Variants in PHF5A observed in about 807,000 individuals in gnomAD.
The protein encoded by PHF5A is PHD finger-like domain-containing protein 5A.
For missense variants in PHF5A, 24 were observed against 140.6 expected, an observed-to-expected ratio of 0.17 and a Z score of 4.19; for synonymous variants, 52 against 46.0, an observed-to-expected ratio of 1.13 and a Z score of -0.52.
chr22:41,460,669 G>A (rs2037820258), intron 3 of PHF5A, among the ~76,000 whole-genome samples, 182 bp from the exon 4 acceptor site: 2 of 150,382 alleles, frequency 1.3e-5, no homozygotes, highest in South Asian at 2.1e-4. Flanking sequence ...TGATGCCTGT[G>A]AATAGCCAGC....
chr22:41,461,811 C>T (rs2037829808), intron 3 of PHF5A, among the ~76,000 whole-genome samples: 2 of 151,982 alleles, frequency 1.3e-5, no homozygotes, highest in South Asian at 2.1e-4. Flanking sequence ...TACATGCACC[C>T]GCGACCATGC....
At chr22:41,461,232 T>G (rs1398777199) in intron 3 of PHF5A, among the ~76,000 whole-genome samples, 2 of 152,134 alleles carry the variant, frequency 1.3e-5, no homozygotes, top group South Asian at 2.1e-4. Flanking sequence ...CCATTTATCT[T>G]ACCAATTATC....
chr22:41,462,568 C>T (rs2037834658), intron 3 of PHF5A, among the ~76,000 whole-genome samples: 1 of 152,158 alleles, frequency 6.6e-6, no homozygotes, highest in South Asian at 2.1e-4. Flanking sequence ...AAAAATGAGG[C>T]ACTAGCTGCC....
intron 3 of PHF5A, among the ~76,000 whole-genome samples, chr22:41,461,033 C>T (rs1322788564): frequency 3.3e-5 from 5 of 151,810 alleles, no homozygotes; most frequent in Non-Finnish European, 7.4e-5. Context: ...ATTAGCCAGA[C>T]GTGGTGGTGC....
At chr22:41,460,878 A>T (rs2146058761) in intron 3 of PHF5A, among the ~76,000 whole-genome samples, 1 of 152,178 alleles carries the variant, frequency 6.6e-6, no homozygotes, top group African/African-American at 2.4e-5. Context: ...GCACTTATGA[A>T]AGATCATTTA....
chr22:41,459,757 CAGAA>C lies in PHF5A; in HGVS notation c.*637_*640del, dbSNP rs1383727017. On this transcript the variant is annotated 3_prime_UTR_variant, in exon 4 of 4. Coordinates refer to ENST00000216252, the MANE Select transcript of PHF5A (RefSeq NM_032758.4). ...ACCAACTTTATTAATATAATAGCAACAGAAAGAGTTTCCAATTTCTCAAAAGGAA... is the reference window on the plus strand; with the variant it reads ...ACCAACTTTATTAATATAATAGCAACAGAGTTTCCAATTTCTCAAAAGGAA... The C allele has an allele frequency of 2.6e-5, 4 of 152,026 alleles. No individual in the cohort carries two copies. The highest frequency in any genetic ancestry group is 3.9e-4 in the East Asian group (2 of 5,148). 9.4% of individuals were successfully genotyped at this position (152,026 alleles called of 1,614,324 possible).
chr22:41,467,675 A>T, intron 2 of PHF5A, 61 bp from the exon 3 acceptor site: 1 of 1,549,938 alleles, frequency 6.5e-7, no homozygotes, highest in South Asian at 1.1e-5. Flanking sequence ...ATCTCCTGCC[A>T]TGGGGAAATA....
rs1432884514 is a variant in PHF5A, at chr22:41,460,212, G to T, written c.*186C>A. 9.5e-6 allele frequency: 5 copies of T among 528,880 alleles called. No homozygotes were observed. In the Admixed American group the frequency reaches 1.5e-4, roughly 16 times the overall value. The allele number at this position is 528,880 out of a possible 1,614,324, so 32.8% of individuals were successfully genotyped here. On this transcript the variant is annotated 3_prime_UTR_variant, in exon 4 of 4. Transcript: ENST00000216252. ...ATGGTGTGCCAGAGTGCTCTGTGAA[G>T]AATCCTTTTCCATCCCTACCACGTG...
intron 3 of PHF5A, among the ~76,000 whole-genome samples, chr22:41,462,668 A>G (rs1305232266): frequency 2.6e-5 from 4 of 152,182 alleles, no homozygotes; most frequent in Admixed American, 2.6e-4. Context: ...ATGATAGCTT[A>G]AACTGTGCCT....
chr22:41,461,719 G>A (rs1175271093), intron 3 of PHF5A, among the ~76,000 whole-genome samples: 1 of 152,058 alleles, frequency 6.6e-6, no homozygotes, highest in Non-Finnish European at 1.5e-5. Flanking sequence ...CTGGAGAGCA[G>A]TGACATGATC....
intron 3 of PHF5A, 38 bp downstream of exon 3, chr22:41,467,409 CA>C (rs2037876147): frequency 6.2e-6 from 10 of 1,602,572 alleles, no homozygotes; most frequent in Non-Finnish European, 8.5e-6. Flanking sequence ...TGTTACTAAA[CA>C]AAAGGAGGAA....
chr22:41,467,473 T>C lies in PHF5A; in HGVS notation c.218A>G (p.Lys73Arg). 6.2e-7 allele frequency: 1 copy of C among 1,614,128 alleles called. No individual in the cohort carries two copies. Among genetic ancestry groups the C allele is most frequent in the African/African-American group, 1.3e-5 (1 of 75,028 alleles). Residue 73 changes from lysine to arginine, a missense_variant, in exon 3 of 4, where the codon AAG (lysine) becomes AGG (arginine). Coordinates refer to ENST00000216252, the MANE Select transcript of PHF5A (RefSeq NM_032758.4). ...GPGVSDAYYC[K>R]ECTIQEKDRD... Reference sequence around the variant, plus strand: ...GTCCTTCTCCTGGATGGTGCACTCCTTACAATAATAGGCATCAGAGACCCC... The same window carrying C: ...GTCCTTCTCCTGGATGGTGCACTCCCTACAATAATAGGCATCAGAGACCCC...
intron 3 of PHF5A, among the ~76,000 whole-genome samples, chr22:41,464,528 A>G (rs2037851223): frequency 6.6e-6 from 1 of 152,212 alleles, no homozygotes; most frequent in Non-Finnish European, 1.5e-5. Flanking sequence ...ATTCGTGTAT[A>G]ATGTGAAGTA....
At chr22:41,468,272 C>T in intron 1 of PHF5A, 125 bp from the exon 2 acceptor site, 2 of 844,044 alleles carry the variant, frequency 2.4e-6, no homozygotes, top group South Asian at 1.6e-5. Flanking sequence ...CTGCGGATAG[C>T]CATTTTATCA....
intron 3 of PHF5A, among the ~76,000 whole-genome samples, chr22:41,462,442 G>A (rs1049739602): frequency 7.2e-5 from 11 of 152,194 alleles, no homozygotes; most frequent in African/African-American, 2.4e-4. Context: ...AAGAAGTATC[G>A]AGTCATTACA....
At chr22:41,468,496 C>T (rs2037894044) in intron 1 of PHF5A, 106 bp downstream of exon 1, 9 of 1,290,518 alleles carry the variant, frequency 7.0e-6, no homozygotes, top group Non-Finnish European at 8.8e-6. Flanking sequence ...AGGCGGGAAA[C>T]GTGGCGCCTG....
intron 1 of PHF5A, 91 bp from the exon 2 acceptor site, chr22:41,468,238 A>G: frequency 7.7e-7 from 1 of 1,293,310 alleles, no homozygotes; most frequent in Non-Finnish European, 1.1e-6. Context: ...TAGGGACATG[A>G]GTAAGGACTG....
chr22:41,461,893 C>T (rs755910529), intron 3 of PHF5A, among the ~76,000 whole-genome samples: 28 of 152,220 alleles, frequency 1.8e-4, no homozygotes, highest in South Asian at 6.2e-4. Flanking sequence ...GATCTCTTGA[C>T]CTCCTGATCC....
chr22:41,462,219 G>A (rs575768666), intron 3 of PHF5A, among the ~76,000 whole-genome samples: 117 of 152,240 alleles, frequency 7.7e-4, no homozygotes, highest in South Asian at 1.7e-3. Context: ...GAGAAAAACC[G>A]GGGAAGCTGT....
Sources: gnomAD v4.1 joint callset for allele counts (sites outside exome capture counted in the v4.1 genomes callset) on GRCh38, gnomAD v4.1.1 for gene constraint, MANE v1.5 for transcripts, NCBI Gene and HGNC (gene_info 2026-07-23, HGNC 2026-07-21) for gene names.